DGKB: variants seen among roughly 807,000 people sequenced by gnomAD.
DGKB encodes diacylglycerol kinase beta.
In DGKB, 67 loss-of-function variants were observed where a neutral mutation model predicts 114.3. That is an observed-to-expected ratio of 0.59 (90% CI 0.48 to 0.72). DGKB has a LOEUF of 0.72. Ranked by LOEUF, DGKB falls within the 30% of genes least tolerant of loss-of-function variation. DGKB has a pLI of 0.00. For synonymous variants in DGKB, 398 were observed against 323.1 expected (o/e 1.23, Z -2.49); for missense variants, 907 against 975.2 (o/e 0.93, Z 0.93).
chr7:14,864,146 T>A (rs1851382540), intron 1 of DGKB, among the ~76,000 whole-genome samples: 1 of 151,586 alleles, frequency 6.6e-6, no homozygotes, highest in South Asian at 2.1e-4. Context: ...AAAATTGAAA[T>A]TATTGGAAAA....
intron 2 of DGKB, among the ~76,000 whole-genome samples, chr7:14,785,747 T>C (rs116205884): frequency 0.014 from 2,178 of 152,270 alleles, 18 homozygotes; most frequent in Non-Finnish European, 0.02. Flanking sequence ...ACAGCCATTG[T>C]ACATTCAAAA....
chr7:14,928,823 CT>C (rs1784866902), intron 1 of DGKB, among the ~76,000 whole-genome samples: 2 of 151,828 alleles, frequency 1.3e-5, no homozygotes, highest in African/African-American at 4.8e-5. Flanking sequence ...ATCCATCCCC[CT>C]CCTACTCCCT....
In DGKB at chr7:14,308,318, G is replaced by A. The variant is rs114203274; in HGVS notation, c.2122+30197C>T. Among the ~76,000 whole-genome samples, 471 of 152,016 alleles carry A rather than the reference G, an allele frequency of 3.1e-3. 3 individuals carry two copies. The highest frequency in any genetic ancestry group is 9.8e-3 in the African/African-American group (408 of 41,504). ...TCATTATTTATCCTTATGCAATGAA[G>A]ATATTTGTATATAATTTGTTTTCTG... On this transcript the variant is annotated intron_variant, in intron 23 of 25. Transcript: ENST00000402815.
At chr7:14,281,852 A>G (rs1800010900) in intron 23 of DGKB, among the ~76,000 whole-genome samples, 1 of 145,968 alleles carries the variant, frequency 6.9e-6, no homozygotes, top group South Asian at 2.3e-4. Context: ...TCTGGGACGC[A>G]TTCAAAGCAG....
intron 1 of DGKB, among the ~76,000 whole-genome samples, chr7:14,910,298 GAAA>G: frequency 8.6e-6 from 1 of 116,742 alleles, no homozygotes; most frequent in Non-Finnish European, 1.9e-5. Flanking sequence ...AAGAAAGAAA[GAAA>G]GAAAGAAAGA....
intron 23 of DGKB, among the ~76,000 whole-genome samples, chr7:14,280,603 C>A (rs1190502125): frequency 6.6e-6 from 1 of 150,866 alleles, no homozygotes; most frequent in African/African-American, 2.4e-5. Flanking sequence ...TTAAGGGCAG[C>A]CAGAGAGAAA....
At chr7:14,879,102 T>C (rs1464838627) in intron 1 of DGKB, among the ~76,000 whole-genome samples, 2 of 151,950 alleles carry the variant, frequency 1.3e-5, no homozygotes, top group Non-Finnish European at 2.9e-5. Context: ...AGATCCTTGA[T>C]ATATTTGTTT....
chr7:14,432,553 T>G (rs558335581), intron 21 of DGKB, among the ~76,000 whole-genome samples: 1 of 152,204 alleles, frequency 6.6e-6, no homozygotes, highest in Non-Finnish European at 1.5e-5. Context: ...CTCTAAATAG[T>G]GACTGTCAGT....
At chr7:14,225,429 A>G (rs1309197926) in intron 23 of DGKB, among the ~76,000 whole-genome samples, 1 of 152,030 alleles carries the variant, frequency 6.6e-6, no homozygotes, top group Non-Finnish European at 1.5e-5. Flanking sequence ...AGACCATAAG[A>G]CCATGTAGAG....
chr7:14,648,368 C>A (rs1395338865), intron 13 of DGKB, among the ~76,000 whole-genome samples: 1 of 152,120 alleles, frequency 6.6e-6, no homozygotes, highest in Non-Finnish European at 1.5e-5. Flanking sequence ...CTGGGAGGCA[C>A]CCCCCAGCAG....
chr7:14,472,462 C>A (rs939385392), intron 21 of DGKB, among the ~76,000 whole-genome samples: 2 of 152,162 alleles, frequency 1.3e-5, no homozygotes, highest in Non-Finnish European at 2.9e-5. Flanking sequence ...GTCCAATAAA[C>A]CTTTCTTTTG....
chr7:14,320,545 A>T (rs895141822), intron 23 of DGKB, among the ~76,000 whole-genome samples: 1 of 151,482 alleles, frequency 6.6e-6, no homozygotes, highest in African/African-American at 2.4e-5. Context: ...TGCGGTACAT[A>T]TATGTACTAT....
chr7:14,188,108 A>G (rs1783717130), intron 23 of DGKB, among the ~76,000 whole-genome samples: 1 of 152,194 alleles, frequency 6.6e-6, no homozygotes, highest in African/African-American at 2.4e-5. Context: ...AGGAGAAGAA[A>G]GAATTTATGA....
intron 23 of DGKB, among the ~76,000 whole-genome samples, chr7:14,325,567 C>T (rs1051405258): frequency 9.9e-5 from 15 of 152,244 alleles, no homozygotes; most frequent in African/African-American, 3.6e-4. Flanking sequence ...GGAATTGCCC[C>T]TTTCTTCAGA....
intron 20 of DGKB, among the ~76,000 whole-genome samples, chr7:14,553,159 T>G (rs1455901294): frequency 6.6e-6 from 1 of 152,260 alleles, no homozygotes. Context: ...AATAATGTAT[T>G]GCAAGGCAAA....
At chr7:14,410,255 CTT>C (rs1468077415) in intron 21 of DGKB, among the ~76,000 whole-genome samples, 3 of 151,212 alleles carry the variant, frequency 2.0e-5, no homozygotes, top group African/African-American at 4.9e-5. Flanking sequence ...TATATATACT[CTT>C]TTTATAATCT....
chr7:14,669,512 G>C (rs921465925), intron 13 of DGKB, among the ~76,000 whole-genome samples: 1 of 152,126 alleles, frequency 6.6e-6, no homozygotes, highest in African/African-American at 2.4e-5. Context: ...TGTCTCTTCA[G>C]TGAACATCTT....
intron 23 of DGKB, among the ~76,000 whole-genome samples, chr7:14,249,471 G>C (rs1209815216): frequency 2.0e-5 from 3 of 152,012 alleles, no homozygotes; most frequent in Non-Finnish European, 4.4e-5. Flanking sequence ...TCAGTTCCTA[G>C]ACTTTTCTTT....
intron 23 of DGKB, among the ~76,000 whole-genome samples, chr7:14,333,518 G>A (rs1418719855): frequency 2.0e-5 from 3 of 149,460 alleles, no homozygotes; most frequent in Non-Finnish European, 4.4e-5. Flanking sequence ...TTTTGAGGAA[G>A]ACAATTGCAA....
Sources: allele counts gnomAD v4.1 joint callset (sites outside exome capture counted in the v4.1 genomes callset), GRCh38; gene constraint gnomAD v4.1.1; transcripts MANE v1.5; gene names NCBI Gene and HGNC (gene_info 2026-07-23, HGNC 2026-07-21).